Variants in TTBK2 observed in about 807,000 individuals in gnomAD.
The protein encoded by TTBK2 is tau tubulin kinase 2, also known as tau-tubulin kinase 2.
Under a neutral mutation model 110.8 loss-of-function variants are expected in TTBK2, and 28 were observed. The ratio of observed to expected loss-of-function variants is 0.25; its 90% confidence interval spans 0.19 to 0.35. TTBK2 has a LOEUF of 0.35. TTBK2 is among the 10% of genes least tolerant of loss of function. TTBK2 has a pLI of 1.00. For synonymous variants in TTBK2, 532 were observed against 527.3 expected (o/e 1.01, Z -0.12); for missense variants, 1,369 against 1,500.3 (o/e 0.91, Z 1.45).
At chr15:42,907,034 AAAAG>A (rs1430725015) in intron 1 of TTBK2, among the ~76,000 whole-genome samples, 3 of 152,130 alleles carry the variant, frequency 2.0e-5, no homozygotes, top group Non-Finnish European at 2.9e-5. Flanking sequence ...AAGAAAAAAA[AAAAG>A]AAATACAAAT....
At chr15:42,844,257 G>A (rs1373495681) in intron 3 of TTBK2, among the ~76,000 whole-genome samples, 1 of 152,096 alleles carries the variant, frequency 6.6e-6, no homozygotes, top group Admixed American at 6.6e-5. Flanking sequence ...ATAGAATAAT[G>A]GCTAATAAAA....
At chr15:42,915,407 G>A (rs185463000) in intron 1 of TTBK2, among the ~76,000 whole-genome samples, 67 of 152,312 alleles carry the variant, frequency 4.4e-4, no homozygotes, top group Non-Finnish European at 8.2e-4. Flanking sequence ...CAAGAGTAGT[G>A]ATGCTGGCAT....
At chr15:42,812,736 C>G (rs1891776487) in intron 7 of TTBK2, among the ~76,000 whole-genome samples, 1 of 151,902 alleles carries the variant, frequency 6.6e-6, no homozygotes, top group African/African-American at 2.4e-5. Context: ...AAAATGGAAT[C>G]AGTCATCAGA....
Position 42,789,854 on chromosome 15 carries a change from T to TACAC in TTBK2, c.980+4786_980+4789dup, listed in dbSNP as rs58536399. Reference sequence around the variant, plus strand: ...CATATATATATACAAATACATACAATACACACACACACACACACACACATA... The same window carrying TACAC: ...CATATATATATACAAATACATACAATACACACACACACACACACACACACACATA... On this transcript the variant is annotated intron_variant, in intron 10 of 14. Transcript: ENST00000267890. Among the ~76,000 whole-genome samples the TACAC allele has an allele frequency of 3.5e-3, 520 of 147,912 alleles. 4 individuals are homozygous for TACAC. Among genetic ancestry groups the TACAC allele is most frequent in the East Asian group, 0.025 (126 of 5,066 alleles).
chr15:42,745,129 A>G lies in TTBK2; in HGVS notation c.*666T>C. 9.1e-5 allele frequency: 14 copies of G among 154,250 alleles called. No homozygotes were observed. In the Middle Eastern group the frequency reaches 7.3e-3, roughly 81 times the overall value. The allele number at this position is 154,250 out of a possible 1,614,324, so 9.6% of individuals were successfully genotyped here. A position where few individuals can be genotyped will look rare whatever the true frequency, so the allele number is the denominator to read the frequency against. ...TAAAAAAAAAAAATCAGGGGGACCT[A>G]AAAAAAAGTAATTGGATTTGATAGT... is the stretch of plus-strand genomic sequence containing the variant. On this transcript the variant is annotated 3_prime_UTR_variant, in exon 15 of 15. Transcript: ENST00000267890.
chr15:42,743,819 C>T lies in TTBK2; in HGVS notation c.*1976G>A, dbSNP rs538527884. On this transcript the variant is annotated 3_prime_UTR_variant, in exon 15 of 15. Transcript: ENST00000267890. ...TGTACACAGGGAAGGCAAGAAGACT[C>T]TGAGGTGTCACATGCCAAGAACATA... 17 of 152,246 alleles carry T rather than the reference C, an allele frequency of 1.1e-4. No homozygotes were observed. Among genetic ancestry groups the T allele is most frequent in the African/African-American group, 2.9e-4 (12 of 41,548 alleles). 9.4% of individuals were successfully genotyped at this position (152,246 alleles called of 1,614,324 possible). A position where few individuals can be genotyped will look rare whatever the true frequency, so the allele number is the denominator to read the frequency against.
chr15:42,772,839 G>T (rs908352061), intron 13 of TTBK2, among the ~76,000 whole-genome samples: 4 of 152,088 alleles, frequency 2.6e-5, no homozygotes, highest in Non-Finnish European at 4.4e-5. Context: ...CCAGCACTTT[G>T]GGAGGCCAAT....
intron 1 of TTBK2, among the ~76,000 whole-genome samples, chr15:42,918,444 G>C (rs1288132666): frequency 6.6e-6 from 1 of 152,040 alleles, no homozygotes; most frequent in African/African-American, 2.4e-5. Context: ...TTCTGGCTCA[G>C]AGTCTCTCAT....
At chr15:42,794,980 G>A in intron 9 of TTBK2, 179 bp from the exon 10 acceptor site, 2 of 729,714 alleles carry the variant, frequency 2.7e-6, no homozygotes, top group East Asian at 2.8e-5. Context: ...GTGAATTAAT[G>A]TTGATTTTTC....
chr15:42,784,619 G>A lies in TTBK2; in HGVS notation c.981-984C>T, dbSNP rs143470730. Among the ~76,000 whole-genome samples, 5 of 152,306 alleles carry A rather than the reference G, an allele frequency of 3.3e-5. No homozygotes were observed. The East Asian group carries it at 9.6e-4, about 29-fold the overall frequency. ...AAAATTCTAAACAGGAAAATGTTAA[G>A]TGCTGTTGAACTCCAAATAAAATAC... On this transcript the variant is annotated intron_variant, in intron 10 of 14. Transcript: ENST00000267890.
chr15:42,900,548 C>T (rs2029928675), intron 1 of TTBK2, among the ~76,000 whole-genome samples: 1 of 151,770 alleles, frequency 6.6e-6, no homozygotes. Context: ...GCAGCAAAAC[C>T]CCGTCTCTAC....
At chr15:42,764,233 G>C (rs1595887721) in intron 13 of TTBK2, among the ~76,000 whole-genome samples, 1 of 152,326 alleles carries the variant, frequency 6.6e-6, no homozygotes, top group East Asian at 1.9e-4. Context: ...TGAGGTACCT[G>C]GTTCATCTCA....
intron 6 of TTBK2, among the ~76,000 whole-genome samples, chr15:42,823,479 A>G (rs138269075): frequency 5.3e-5 from 8 of 152,358 alleles, no homozygotes; most frequent in African/African-American, 1.9e-4. Context: ...CTGGTATAAC[A>G]GATACACTCC....
At chr15:42,873,181 T>C (rs1239472634) in intron 2 of TTBK2, among the ~76,000 whole-genome samples, 3 of 152,070 alleles carry the variant, frequency 2.0e-5, no homozygotes, top group African/African-American at 7.2e-5. Flanking sequence ...CCTGTAAACC[T>C]AGCACTTTGG....
At position 42,783,436 on chromosome 15, in the gene TTBK2, T is replaced by C; in HGVS notation, c.1180A>G (p.Lys394Glu). Residue 394 changes from lysine (K) to glutamate (E), a missense_variant, in exon 11 of 15, where the codon AAG becomes GAG. Lys to Glu is a moderately conservative substitution (Grantham distance 56, BLOSUM62 1). This residue lies in a region of TTBK2 where 1,097 missense variants were observed against 1,114.7 expected (regional missense o/e 0.98). Coordinates refer to ENST00000267890, the MANE Select transcript of TTBK2 (RefSeq NM_173500.4). ...EEMDANKNKIKLGICKAATEE... is the reference protein window; with the variant it reads ...EEMDANKNKIELGICKAATEE... ...ACTCATACCTTACAAATTCCAAGCT[T>C]TATCTTGTTTTTGTTGGCATCCATC... is the stretch of plus-strand genomic sequence containing the variant. The C allele has an allele frequency of 6.2e-7, 1 of 1,614,034 alleles. No individual in the cohort carries two copies. Among genetic ancestry groups the C allele is most frequent in the Non-Finnish European group, 8.5e-7 (1 of 1,179,922 alleles).
intron 6 of TTBK2, among the ~76,000 whole-genome samples, chr15:42,827,244 G>T (rs897061797): frequency 2.6e-5 from 4 of 152,036 alleles, no homozygotes; most frequent in African/African-American, 9.7e-5. Flanking sequence ...GAGGAAGAAC[G>T]GAATAGATTT....
intron 1 of TTBK2, among the ~76,000 whole-genome samples, chr15:42,915,640 G>C (rs1199892704): frequency 6.6e-6 from 1 of 152,144 alleles, no homozygotes; most frequent in East Asian, 1.9e-4. Context: ...AAGTAAGGTG[G>C]TAGCAATGGA....
intron 9 of TTBK2, among the ~76,000 whole-genome samples, chr15:42,800,576 A>T (rs74477607): frequency 0.066 from 10,062 of 152,272 alleles, 967 homozygotes; most frequent in African/African-American, 0.21. Flanking sequence ...TAATAAATGG[A>T]AAATTAGTGG....
At position 42,746,921 on chromosome 15, in the gene TTBK2, C is replaced by G. The variant is rs576286424; in HGVS notation, c.3273-664G>C. ...GGATTAAGGAGGGTGGAGGCTGGAA[C>G]TGACTGCCCACTCCATACTGGCAAC... On this transcript the variant is annotated intron_variant, in intron 14 of 14. Transcript: ENST00000267890. 5.3e-5 allele frequency among the ~76,000 whole-genome samples: 8 copies of G among 151,276 alleles called. No homozygotes were observed. The East Asian group carries it at 9.7e-4, about 18-fold the overall frequency.
Sources: gnomAD v4.1 joint callset for allele counts (sites outside exome capture counted in the v4.1 genomes callset) on GRCh38, gnomAD v4.1.1 for gene constraint, gnomAD v4.1.1 regional missense constraint, MANE v1.5 for transcripts, NCBI Gene and HGNC (gene_info 2026-07-23, HGNC 2026-07-21) for gene names.